The following FCHO2 variants were observed in gnomAD, a reference collection of about 807,000 sequenced individuals.
The protein encoded by FCHO2 is F-BAR domain only protein 2.
A neutral mutation model predicts 114.1 loss-of-function variants in FCHO2; 43 were observed. The observed-to-expected ratio is 0.38, with a 90% confidence interval of 0.30 to 0.49. The LOEUF (loss-of-function observed/expected upper bound fraction) is 0.49, where lower values mean the gene tolerates loss of function less well. FCHO2 is among the 20% of genes least tolerant of loss of function. FCHO2 has a pLI of 0.97. For missense variants in FCHO2, 807 were observed against 950.4 expected, an observed-to-expected ratio of 0.85 and a Z score of 1.98; for synonymous variants, 293 against 315.2, an observed-to-expected ratio of 0.93 and a Z score of 0.75.
chr5:73,046,443 A>G (rs1254563993), intron 11 of FCHO2, among the ~76,000 whole-genome samples: 1 of 152,204 alleles, frequency 6.6e-6, no homozygotes, highest in East Asian at 1.9e-4. Context: ...AGCCATATAG[A>G]AAACAGCTTG....
At chr5:73,036,586 G>A (rs1756523783) in intron 9 of FCHO2, among the ~76,000 whole-genome samples, 1 of 151,948 alleles carries the variant, frequency 6.6e-6, no homozygotes, top group South Asian at 2.1e-4. Context: ...ATGTTGCCTA[G>A]GCTGGTCTTG....
At chr5:73,000,936 G>T (rs928006803) in intron 5 of FCHO2, among the ~76,000 whole-genome samples, 1 of 149,220 alleles carries the variant, frequency 6.7e-6, no homozygotes, top group Non-Finnish European at 1.5e-5. Context: ...TGACTATAAA[G>T]ATTGTCACTT....
chr5:73,058,836 C>G (rs1021469094), intron 17 of FCHO2, among the ~76,000 whole-genome samples: 1 of 151,962 alleles, frequency 6.6e-6, no homozygotes, highest in South Asian at 2.1e-4. Context: ...TCAATGTAAC[C>G]AGTTCTTTCT....
intron 8 of FCHO2, among the ~76,000 whole-genome samples, chr5:73,031,976 CA>C (rs934332845): frequency 6.6e-6 from 1 of 151,968 alleles, no homozygotes; most frequent in Admixed American, 6.6e-5. Flanking sequence ...TTAGTACTGT[CA>C]AAAAAAATAA....
intron 10 of FCHO2, among the ~76,000 whole-genome samples, chr5:73,040,145 C>T (rs952325189): frequency 2.6e-5 from 4 of 152,012 alleles, no homozygotes; most frequent in South Asian, 2.1e-4. Flanking sequence ...GGATAAATGG[C>T]GTTTATCTGT....
At chr5:72,980,733 A>G (rs891260908) in intron 2 of FCHO2, among the ~76,000 whole-genome samples, 8 of 152,174 alleles carry the variant, frequency 5.3e-5, no homozygotes, top group African/African-American at 1.9e-4. Flanking sequence ...TTCTTGATTT[A>G]AAGTCTGTTT....
intron 8 of FCHO2, among the ~76,000 whole-genome samples, chr5:73,027,560 C>T (rs1210117547): frequency 2.6e-5 from 4 of 152,008 alleles, no homozygotes; most frequent in African/African-American, 9.7e-5. Context: ...TAGAAGGACA[C>T]AGGTGATAAC....
chr5:73,011,386 C>T (rs1755003848), intron 6 of FCHO2, among the ~76,000 whole-genome samples: 1 of 152,108 alleles, frequency 6.6e-6, no homozygotes, highest in African/African-American at 2.4e-5. Flanking sequence ...AAAGTAGAAA[C>T]ACATTGTACA....
rs1439614241 is a variant in FCHO2 at position 72,990,876 on chromosome 5, A to G, written c.495+12A>G. On this transcript the variant is annotated intron_variant, in intron 5 of 25. Transcript: ENST00000430046. The stretch of plus-strand genomic sequence containing the variant: ...GAGAAATAGAAAAGGTAATCATAAT[A>G]AAAATTACATATCTGTGGTTTCAAA... 1.3e-6 allele frequency: 2 copies of G among 1,533,256 alleles called. No homozygotes were observed. The highest frequency in any genetic ancestry group is 2.5e-5 in the South Asian group (2 of 80,074). 95.0% of individuals were successfully genotyped at this position (1,533,256 alleles called of 1,614,324 possible).
At chr5:73,067,071 T>C (rs929781324) in intron 18 of FCHO2, among the ~76,000 whole-genome samples, 1 of 152,058 alleles carries the variant, frequency 6.6e-6, no homozygotes, top group African/African-American at 2.4e-5. Flanking sequence ...TTTGTGTGTA[T>C]GCTGTGTCTT....
intron 1 of FCHO2, among the ~76,000 whole-genome samples, chr5:72,958,072 C>T (rs1327301170): frequency 6.6e-6 from 1 of 151,068 alleles, no homozygotes; most frequent in Non-Finnish European, 1.5e-5. Context: ...TCTGGATACA[C>T]ACCTTATCTG....
At chr5:73,029,615 A>G (rs890329463) in intron 8 of FCHO2, among the ~76,000 whole-genome samples, 1 of 152,198 alleles carries the variant, frequency 6.6e-6, no homozygotes, top group Non-Finnish European at 1.5e-5. Context: ...AACTTGGCGC[A>G]TGGTTCTACA....
chr5:73,049,584 C>A (rs1326990961), intron 11 of FCHO2, among the ~76,000 whole-genome samples: 3 of 152,118 alleles, frequency 2.0e-5, no homozygotes, highest in Admixed American at 2.0e-4. Flanking sequence ...TTGAAAAAAA[C>A]CTTTTTCTGA....
chr5:73,052,640 A>T (rs1757392997), intron 13 of FCHO2, 133 bp downstream of exon 13: 1 of 747,844 alleles, frequency 1.3e-6, no homozygotes, highest in Non-Finnish European at 2.1e-6. Context: ...ATTTTTATAC[A>T]GGGAAATAAA....
At chr5:72,961,599 CTTT>C (rs1336799583) in intron 1 of FCHO2, among the ~76,000 whole-genome samples, 1 of 145,486 alleles carries the variant, frequency 6.9e-6, no homozygotes. Context: ...CAATTTCTTT[CTTT>C]TTTTTTTTTG....
At chr5:73,057,468 A>T (rs916374811) in intron 16 of FCHO2, among the ~76,000 whole-genome samples, 1 of 151,706 alleles carries the variant, frequency 6.6e-6, no homozygotes, top group African/African-American at 2.4e-5. Flanking sequence ...CTGGATATGT[A>T]CTCTTATGTA....
chr5:72,985,769 C>G (rs1303167635), intron 2 of FCHO2, among the ~76,000 whole-genome samples: 3 of 152,072 alleles, frequency 2.0e-5, no homozygotes, highest in Non-Finnish European at 4.4e-5. Context: ...TGGTTGCTTT[C>G]AAGATTTATT....
chr5:72,973,639 C>T (rs868573481), intron 2 of FCHO2, among the ~76,000 whole-genome samples: 9 of 149,184 alleles, frequency 6.0e-5, no homozygotes, highest in South Asian at 4.3e-4. Context: ...TTTGTTGATC[C>T]TTTCAAAAAA....
chr5:73,037,104 A>G, intron 9 of FCHO2, 39 bp from the exon 10 acceptor site: 1 of 1,348,426 alleles, frequency 7.4e-7, no homozygotes, highest in Non-Finnish European at 1.0e-6. Flanking sequence ...TTTATCAGGA[A>G]TGTTTATGTT....
Sources: gnomAD v4.1 joint callset for allele counts (sites outside exome capture counted in the v4.1 genomes callset) on GRCh38, gnomAD v4.1.1 for gene constraint, MANE v1.5 for transcripts, NCBI Gene and HGNC (gene_info 2026-07-23, HGNC 2026-07-21) for gene names.